The following LRIG2 variants were observed in gnomAD, a reference collection of about 807,000 sequenced individuals.
LRIG2 encodes leucine-rich repeats and immunoglobulin-like domains protein 2.
Under a neutral mutation model 107.8 loss-of-function variants are expected in LRIG2, and 93 were observed. That is an observed-to-expected ratio of 0.86 (90% CI 0.73 to 1.03). LRIG2 has a LOEUF of 1.03. LRIG2 is among the 50% of genes least tolerant of loss of function. The probability of loss-of-function intolerance (pLI) is 0.00; values close to 1 mark genes in which losing one functional copy is unlikely to be tolerated. For synonymous variants in LRIG2, 471 were observed against 470.6 expected, an observed-to-expected ratio of 1.00 and a Z score of -0.01; for missense variants, 1,226 against 1,296.0, an observed-to-expected ratio of 0.95 and a Z score of 0.83.
Position 113,110,320 on chromosome 1 carries a change from G to T in LRIG2, c.1556G>T (p.Cys519Phe). The T allele has an allele frequency of 6.2e-7, 1 of 1,613,582 alleles. No homozygotes were observed. The highest frequency in any genetic ancestry group is 1.1e-5 in the South Asian group (1 of 91,072). Reference protein sequence around the residue: ...ALRGMNVTLTCTAVSSSDSPM... With the variant: ...ALRGMNVTLTFTAVSSSDSPM... The stretch of plus-strand genomic sequence containing the variant: ...AGAGGCATGAATGTGACTCTGACGT[G>T]CACTGCAGTGAGCAGCAGTGATTCA... Residue 519 changes from cysteine (C) to phenylalanine (F), a missense_variant, in exon 13 of 18, where the codon TGC becomes TTC. Transcript: ENST00000361127.
At position 113,073,249 on chromosome 1, in the gene LRIG2, C is replaced by G. The variant is rs1320786683; in HGVS notation, c.-158C>G. ...TGTCCCAGGCCGTCGACCCCGCTGT[C>G]GCGCTGCGTCTGCTCCTTGCATGCC... On this transcript the variant is annotated 5_prime_UTR_variant, in exon 1 of 18. Transcript: ENST00000361127. 3.0e-6 allele frequency: 2 copies of G among 664,682 alleles called. No individual in the cohort carries two copies. Among genetic ancestry groups the G allele is most frequent in the East Asian group, 5.1e-5 (2 of 39,262 alleles). The allele number at this position is 664,682 out of a possible 1,614,324, so 41.2% of individuals were successfully genotyped here.
intron 1 of LRIG2, among the ~76,000 whole-genome samples, chr1:113,090,548 AT>A (rs1653758240): frequency 6.6e-6 from 1 of 151,798 alleles, no homozygotes; most frequent in South Asian, 2.1e-4. Flanking sequence ...TATTAAAAAA[AT>A]TTTTTTGGCT....
chr1:113,095,733 C>T, intron 6 of LRIG2, 141 bp from the exon 7 acceptor site: 1 of 736,024 alleles, frequency 1.4e-6, no homozygotes, highest in Non-Finnish European at 2.2e-6. Context: ...ATAAGATATT[C>T]ATTTTTATTG....
chr1:113,073,462 G>T lies in LRIG2; in HGVS notation c.56G>T (p.Arg19Ile). 6.2e-7 allele frequency: 1 copy of T among 1,614,186 alleles called. No individual in the cohort carries two copies. Reference sequence around the variant, plus strand: ...GAGCAGTTGCTGGGGTGTCGATCTAGAGTGCTTTCTCGGTTACTCTTCATT... The same window carrying T: ...GAGCAGTTGCTGGGGTGTCGATCTATAGTGCTTTCTCGGTTACTCTTCATT... ...PEEQLLGCRS[R>I]VLSRLLFIAQ... The change falls in exon 1 of 18, where the codon AGA (arginine) becomes ATA (isoleucine). Residue 19 changes from arginine (R) to isoleucine (I), a missense_variant. Coordinates refer to ENST00000361127, the MANE Select transcript of LRIG2 (RefSeq NM_014813.3).
chr1:113,112,406 C>G, intron 13 of LRIG2, 73 bp from the exon 14 acceptor site: 1 of 1,367,792 alleles, frequency 7.3e-7, no homozygotes, highest in South Asian at 1.4e-5. Context: ...TAGATTCTTT[C>G]ATGCCTATTT....
intron 1 of LRIG2, among the ~76,000 whole-genome samples, chr1:113,074,055 A>G (rs1652843170): frequency 6.6e-6 from 1 of 151,974 alleles, no homozygotes; most frequent in Admixed American, 6.6e-5. Context: ...TGTACCTCAG[A>G]CTTAGTGGTC....
chr1:113,109,282 G>C (rs750230678), intron 12 of LRIG2, among the ~76,000 whole-genome samples: 3 of 152,118 alleles, frequency 2.0e-5, no homozygotes, highest in Non-Finnish European at 4.4e-5. Flanking sequence ...TTATATACCT[G>C]CTTCTCTCAA....
chr1:113,114,331 C>T, intron 14 of LRIG2, 96 bp from the exon 15 acceptor site: 1 of 698,192 alleles, frequency 1.4e-6, no homozygotes. Context: ...TAAAATTACT[C>T]ATTTTATTAT....
rs1371295363 is a variant in LRIG2, at chr1:113,114,469, C to T, written c.2123C>T (p.Thr708Ile). Residue 708 changes from threonine to isoleucine, a missense_variant, in exon 15 of 18, where the codon ACA (threonine) becomes ATA (isoleucine). Thr to Ile is a moderately conservative substitution (Grantham distance 89). Transcript: ENST00000361127. The stretch of plus-strand genomic sequence containing the variant: ...AGACCCCTGGAGGATAAGACAGTAA[C>T]ACGAGGTGAAACTGCGGTGTTACAG... ...FIRPLEDKTV[T>I]RGETAVLQCI... The T allele has an allele frequency of 6.2e-7, 1 of 1,613,224 alleles. No individual in the cohort carries two copies. Among genetic ancestry groups the T allele is most frequent in the Admixed American group, 1.7e-5 (1 of 59,880 alleles).
intron 1 of LRIG2, among the ~76,000 whole-genome samples, chr1:113,080,377 TTTTA>T (rs985928086): frequency 2.0e-5 from 3 of 150,924 alleles, no homozygotes; most frequent in African/African-American, 7.3e-5. Flanking sequence ...TTCTGGTCTT[TTTTA>T]TTTATTTATT....
rs763820257 is a variant in LRIG2 at position 113,073,488 on chromosome 1, G to C, written c.82G>C (p.Ala28Pro). 1 of 1,614,154 alleles carries C rather than the reference G, an allele frequency of 6.2e-7. No homozygotes were observed. Among genetic ancestry groups the C allele is most frequent in the Non-Finnish European group, 8.5e-7 (1 of 1,180,026 alleles). The change falls in exon 1 of 18, where the codon GCC becomes CCC. Residue 28 changes from alanine to proline, a missense_variant. Physicochemically the swap from Ala to Pro is conservative, Grantham distance 27. Coordinates refer to ENST00000361127, the MANE Select transcript of LRIG2 (RefSeq NM_014813.3). ...AGTGCTTTCTCGGTTACTCTTCATT[G>C]CCCAGACCGCTCTCCTCCTGTTGCC... Reference protein sequence around the residue: ...SRVLSRLLFIAQTALLLLPAA... With the variant: ...SRVLSRLLFIPQTALLLLPAA...
Position 113,124,232 on chromosome 1 carries a change from A to C in LRIG2, c.*131A>C. The stretch of plus-strand genomic sequence containing the variant: ...CTTTATGATTGCATCTGACCGCACC[A>C]AGGTGGGCCATGCGTTGTTTGGTCT... On this transcript the variant is annotated 3_prime_UTR_variant, in exon 18 of 18. Coordinates refer to ENST00000361127, the MANE Select transcript of LRIG2 (RefSeq NM_014813.3). 1 of 768,272 alleles carries C rather than the reference A, an allele frequency of 1.3e-6. No individual in the cohort carries two copies. Among genetic ancestry groups the C allele is most frequent in the Non-Finnish European group, 2.1e-6 (1 of 475,352 alleles). The allele number at this position is 768,272 out of a possible 1,614,324, so 47.6% of individuals were successfully genotyped here.
Position 113,116,455 on chromosome 1 carries a change from A to C in LRIG2, c.2680+19A>C. 6.4e-7 allele frequency: 1 copy of C among 1,574,144 alleles called. No homozygotes were observed. The highest frequency in any genetic ancestry group is 8.7e-7 in the Non-Finnish European group (1 of 1,154,514). ...ACTGACGGTAATGACTCTGTTGTTT[A>C]TGGTTACAATTTCAGCCTATTCTAT... On this transcript the variant is annotated intron_variant, in intron 16 of 17. Transcript: ENST00000361127.
chr1:113,091,522 C>A, intron 2 of LRIG2, 139 bp downstream of exon 2: 1 of 583,082 alleles, frequency 1.7e-6, no homozygotes, highest in Non-Finnish European at 3.0e-6. Flanking sequence ...ATTTGAAAAC[C>A]TAAAATGTTT....
Position 113,110,519 on chromosome 1 carries a change from C to T in LRIG2, c.1755C>T (p.His585=). Residue 585 remains histidine, a synonymous_variant, in exon 13 of 18, where the codon CAC becomes CAT. Coordinates refer to ENST00000361127, the MANE Select transcript of LRIG2 (RefSeq NM_014813.3). ...EGKYQCIVTN[H]FGSNYSQKAK... is the part of the protein sequence containing the mutation. Reference sequence around the variant, plus strand: ...AATATCAGTGTATTGTTACTAATCACTTTGGTTCTAATTATTCTCAGAAAG... The same window carrying T: ...AATATCAGTGTATTGTTACTAATCATTTTGGTTCTAATTATTCTCAGAAAG... 6.2e-7 allele frequency: 1 copy of T among 1,612,370 alleles called. No homozygotes were observed. Among genetic ancestry groups the T allele is most frequent in the Non-Finnish European group, 8.5e-7 (1 of 1,178,536 alleles).
In LRIG2 at chr1:113,110,436, G is replaced by A. The variant is rs771445466; in HGVS notation, c.1672G>A (p.Ala558Thr). The A allele has an allele frequency of 3.1e-6, 5 of 1,613,970 alleles. No homozygotes were observed. Among genetic ancestry groups the A allele is most frequent in the Non-Finnish European group, 4.2e-6 (5 of 1,179,966 alleles). The change falls in exon 13 of 18, where the codon GCT becomes ACT. Residue 558 changes from alanine to threonine, a missense_variant. Coordinates refer to ENST00000361127, the MANE Select transcript of LRIG2 (RefSeq NM_014813.3). ...TCGTTATTGGCAGCAAGCTGGAGAA[G>A]CTCTGGAATATACTAGTATCTTACA... ...FVRYWQQAGE[A>T]LEYTSILHLF...
Position 113,131,027 on chromosome 1 carries a change from T to G in LRIG2, c.*6926T>G, listed in dbSNP as rs967165854. On this transcript the variant is annotated 3_prime_UTR_variant, in exon 18 of 18. Coordinates refer to ENST00000361127, the MANE Select transcript of LRIG2 (RefSeq NM_014813.3). ...CTCACTGCAATCTCCGCCTCCCAGG[T>G]TCAAGCGATTCTCCTGCCTCAGCCT... 2.6e-5 allele frequency: 4 copies of G among 152,244 alleles called. No homozygotes were observed. Among genetic ancestry groups the G allele is most frequent in the African/African-American group, 9.7e-5 (4 of 41,410 alleles). 9.4% of individuals were successfully genotyped at this position (152,244 alleles called of 1,614,324 possible). A position where few individuals can be genotyped will look rare whatever the true frequency, so the allele number is the denominator to read the frequency against.
In LRIG2 at chr1:113,125,784, G is replaced by A. The variant is rs1370400179; in HGVS notation, c.*1683G>A. ...GAGTCTGCAAATCTTGTCATTGTCT[G>A]CTTTAATGCTCTTTGAGTTGCAACA... On this transcript the variant is annotated 3_prime_UTR_variant, in exon 18 of 18. Coordinates refer to ENST00000361127, the MANE Select transcript of LRIG2 (RefSeq NM_014813.3). 1 of 152,168 alleles carries A rather than the reference G, an allele frequency of 6.6e-6. No individual in the cohort carries two copies. 9.4% of individuals were successfully genotyped at this position (152,168 alleles called of 1,614,324 possible).
Position 113,124,347 on chromosome 1 carries a change from A to G in LRIG2, c.*246A>G. The stretch of plus-strand genomic sequence containing the variant: ...ACCGGCAGAGGGAAGATACGGGGCA[A>G]ATGTGCTTCCTGATGCTTCCATGGG... On this transcript the variant is annotated 3_prime_UTR_variant, in exon 18 of 18. Transcript: ENST00000361127. The G allele has an allele frequency of 3.7e-6, 2 of 539,262 alleles. No homozygotes were observed. Among genetic ancestry groups the G allele is most frequent in the Non-Finnish European group, 3.3e-6 (1 of 299,278 alleles). The allele number at this position is 539,262 out of a possible 1,614,324, so 33.4% of individuals were successfully genotyped here.
Sources: allele counts gnomAD v4.1 joint callset (sites outside exome capture counted in the v4.1 genomes callset), GRCh38; gene constraint gnomAD v4.1.1; transcripts MANE v1.5; gene names NCBI Gene and HGNC (gene_info 2026-07-23, HGNC 2026-07-21).